Variants in UPP2 observed in about 807,000 individuals in gnomAD.
The protein encoded by UPP2 is uridine phosphorylase 2.
Under a neutral mutation model 26.7 loss-of-function variants are expected in UPP2, and 23 were observed. That is an observed-to-expected ratio of 0.86 (90% CI 0.62 to 1.22). UPP2 has a LOEUF of 1.22. Ranked by LOEUF, UPP2 falls within the 50% of genes most tolerant of loss-of-function variation. UPP2 has a pLI of 0.00. For synonymous variants in UPP2, 127 were observed against 141.3 expected (o/e 0.90, Z 0.72); for missense variants, 387 against 396.7 (o/e 0.98, Z 0.21).
intron 2 of UPP2, among the ~76,000 whole-genome samples, chr2:157,997,674 T>C (rs1031687570): frequency 2.0e-5 from 3 of 152,190 alleles, no homozygotes; most frequent in Non-Finnish European, 4.4e-5. Context: ...TGTCTCCCAG[T>C]TGGCACCATA....
intron 3 of UPP2, among the ~76,000 whole-genome samples, chr2:158,081,737 T>C (rs1017832522): frequency 5.9e-5 from 9 of 151,988 alleles, no homozygotes; most frequent in African/African-American, 2.2e-4. Context: ...CTCACTTATT[T>C]TGGGGAGCTA....
At chr2:158,077,464 A>G (rs1199743442) in intron 3 of UPP2, among the ~76,000 whole-genome samples, 2 of 152,178 alleles carry the variant, frequency 1.3e-5, no homozygotes, top group Non-Finnish European at 2.9e-5. Flanking sequence ...AATGGAACAG[A>G]ATAAAGAACC....
intron 4 of UPP2, among the ~76,000 whole-genome samples, chr2:158,118,216 T>C (rs1050411797): frequency 6.6e-6 from 1 of 151,784 alleles, no homozygotes; most frequent in African/African-American, 2.4e-5. Context: ...TTAGAAGATA[T>C]GTTTTGAGGG....
chr2:158,012,682 T>C (rs1197648643), intron 2 of UPP2, among the ~76,000 whole-genome samples: 1 of 152,152 alleles, frequency 6.6e-6, no homozygotes, highest in Non-Finnish European at 1.5e-5. Flanking sequence ...CATACAAATA[T>C]TTTTATTATA....
rs751602973 is a variant in UPP2 at position 158,121,648 on chromosome 2, A to G, written c.664+30A>G. 13 of 1,579,382 alleles carry G rather than the reference A, an allele frequency of 8.2e-6. No individual in the cohort carries two copies. The African/African-American group carries it at 1.5e-4, about 18-fold the overall frequency. On this transcript the variant is annotated intron_variant, in intron 5 of 6. Coordinates refer to ENST00000005756, the MANE Select transcript of UPP2 (RefSeq NM_173355.4). ...GAACAATTTATAAACTGTGAAGGAA[A>G]CAGAAAAATGCCAGCAACTCTTTGT...
intron 2 of UPP2, among the ~76,000 whole-genome samples, chr2:158,003,999 G>T (rs1683449291): frequency 6.6e-6 from 1 of 152,076 alleles, no homozygotes; most frequent in African/African-American, 2.4e-5. Flanking sequence ...CCAACAACAT[G>T]GTGTTATTGA....
At chr2:158,088,044 G>A (rs959125178) in intron 3 of UPP2, among the ~76,000 whole-genome samples, 1 of 152,108 alleles carries the variant, frequency 6.6e-6, no homozygotes, top group Non-Finnish European at 1.5e-5. Flanking sequence ...ACAAGGCCTG[G>A]GAAGTGTTCT....
intron 3 of UPP2, among the ~76,000 whole-genome samples, chr2:158,094,886 G>A (rs899860608): frequency 2.6e-5 from 4 of 152,178 alleles, no homozygotes; most frequent in African/African-American, 9.7e-5. Flanking sequence ...TCCTCCAGCT[G>A]TGGAGGCTGA....
At chr2:158,067,651 A>G (rs1240994918) in intron 3 of UPP2, among the ~76,000 whole-genome samples, 1 of 60,078 alleles carries the variant, frequency 1.7e-5, no homozygotes, top group Admixed American at 1.7e-4. Flanking sequence ...AGTTTTTACC[A>G]TGCCCATTTT....
chr2:158,059,727 G>C (rs1028772320), intron 3 of UPP2, among the ~76,000 whole-genome samples: 9 of 152,172 alleles, frequency 5.9e-5, no homozygotes, highest in African/African-American at 2.2e-4. Flanking sequence ...ACTTGGCATA[G>C]TTCTTGCCCC....
intron 3 of UPP2, among the ~76,000 whole-genome samples, chr2:158,028,782 A>T (rs1683875274): frequency 6.6e-6 from 1 of 152,258 alleles, no homozygotes; most frequent in Non-Finnish European, 1.5e-5. Flanking sequence ...GGCAAAAGGC[A>T]CTTCTTACAT....
At chr2:158,120,684 GA>G (rs1334688644) in intron 4 of UPP2, among the ~76,000 whole-genome samples, 1 of 151,968 alleles carries the variant, frequency 6.6e-6, no homozygotes, top group African/African-American at 2.4e-5. Context: ...TGGGCCTGGG[GA>G]AATTTAGTGT....
intron 3 of UPP2, among the ~76,000 whole-genome samples, chr2:158,044,393 T>C (rs567610648): frequency 6.6e-6 from 1 of 151,896 alleles, no homozygotes; most frequent in East Asian, 1.9e-4. Flanking sequence ...TGAAGAGCAA[T>C]GTGTAAGTCT....
chr2:158,058,317 AAAAAAAAGAAG>A (rs1424757119), intron 3 of UPP2, among the ~76,000 whole-genome samples: 1 of 14,754 alleles, frequency 6.8e-5, no homozygotes, highest in African/African-American at 5.8e-4. Context: ...AAAAAAAAAA[AAAAAAAAGAAG>A]AAGAAGAAGA....
chr2:158,117,674 G>A, intron 3 of UPP2, 150 bp from the exon 4 acceptor site: 1 of 639,486 alleles, frequency 1.6e-6, no homozygotes, highest in Non-Finnish European at 2.8e-6. Flanking sequence ...TGCCAATTAG[G>A]GAGGACTTAC....
chr2:158,078,201 G>A (rs1021211247), intron 3 of UPP2, among the ~76,000 whole-genome samples: 3 of 152,076 alleles, frequency 2.0e-5, no homozygotes, highest in African/African-American at 4.8e-5. Context: ...AAAGTAGTAC[G>A]ACCACTATGG....
At chr2:158,079,142 C>T (rs1218038587) in intron 3 of UPP2, among the ~76,000 whole-genome samples, 2 of 152,058 alleles carry the variant, frequency 1.3e-5, no homozygotes, top group Non-Finnish European at 2.9e-5. Flanking sequence ...CCTGAGGCCT[C>T]CCCAGCCATG....
chr2:158,033,039 T>C (rs1169366131), intron 3 of UPP2, among the ~76,000 whole-genome samples: 1 of 152,124 alleles, frequency 6.6e-6, no homozygotes, highest in Non-Finnish European at 1.5e-5. Context: ...AATCCCGCTG[T>C]ATAATTACCC....
intron 2 of UPP2, among the ~76,000 whole-genome samples, chr2:158,112,383 G>A (rs540352845): frequency 3.2e-4 from 48 of 151,916 alleles, no homozygotes; most frequent in African/African-American, 8.4e-4. Flanking sequence ...AATGGTGCTG[G>A]GACAACTAGA....
Sources: gnomAD v4.1 joint callset for allele counts (sites outside exome capture counted in the v4.1 genomes callset) on GRCh38, gnomAD v4.1.1 for gene constraint, MANE v1.5 for transcripts, NCBI Gene and HGNC (gene_info 2026-07-23, HGNC 2026-07-21) for gene names.